Variants in CNOT4 observed in about 807,000 individuals in gnomAD.
CNOT4 encodes CCR4-NOT transcription complex subunit 4, also known as CCR4-associated factor 4.
CNOT4 carries 8 observed loss-of-function variants against 73.8 expected under a neutral mutation model. The ratio of observed to expected loss-of-function variants is 0.11; its 90% CI spans 0.06 to 0.20. The LOEUF (loss-of-function observed/expected upper bound fraction) is 0.20, where lower values mean the gene tolerates loss of function less well. Ranked by LOEUF, CNOT4 falls within the 10% of genes least tolerant of loss-of-function variation. The pLI is 1.00. For synonymous variants in CNOT4, 293 were observed against 321.1 expected, an observed-to-expected ratio of 0.91 and a Z score of 0.94; for missense variants, 564 against 883.4, an observed-to-expected ratio of 0.64 and a Z score of 4.58.
chr7:135,491,211 T>C (rs953494880), intron 1 of CNOT4, among the ~76,000 whole-genome samples: 2 of 152,234 alleles, frequency 1.3e-5, no homozygotes, highest in East Asian at 1.9e-4. Context: ...AATAAGGAGT[T>C]ACGGAGAGAG....
In CNOT4 at chr7:135,363,092, G is replaced by A. The variant is rs372251198; in HGVS notation, c.1935C>T (p.Asp645=). Residue 645 remains aspartate, a synonymous_variant, in exon 12 of 12, where the codon GAC becomes GAT. Coordinates refer to ENST00000541284, the MANE Select transcript of CNOT4 (RefSeq NM_001190850.2). The surrounding 1 kb of genome is among the most constrained non-coding windows in gnomAD (Gnocchi z 4.3). ...LKSLQALTEM[D]GPSAAPSQTH... ...TCTGTGATGGAGCAGCGCTGGGGCC[G>A]TCCATCTCTGTGAGGGCCTGAAGGG... 66 of 1,613,798 alleles carry A rather than the reference G, an allele frequency of 4.1e-5. No individual in the cohort carries two copies. Among genetic ancestry groups the A allele is most frequent in the Middle Eastern group, 3.3e-4 (2 of 6,084 alleles).
intron 1 of CNOT4, among the ~76,000 whole-genome samples, chr7:135,483,479 A>C (rs548905628): frequency 1.3e-5 from 2 of 152,280 alleles, no homozygotes; most frequent in African/African-American, 4.8e-5. Flanking sequence ...AAGAAAAATC[A>C]CATGATCATA....
At chr7:135,470,323 A>T (rs1801498326) in intron 1 of CNOT4, among the ~76,000 whole-genome samples, 1 of 151,120 alleles carries the variant, frequency 6.6e-6, no homozygotes, top group African/African-American at 2.4e-5. Context: ...GTAGAGATGA[A>T]GCGTCACTGT....
chr7:135,442,509 G>T (rs111821930), intron 1 of CNOT4, among the ~76,000 whole-genome samples: 3,036 of 152,234 alleles, frequency 0.02, 109 homozygotes, highest in African/African-American at 0.069. Flanking sequence ...TGAAAAAGGA[G>T]AATTGCTTGA....
chr7:135,378,396 T>C (rs916653663), intron 10 of CNOT4, among the ~76,000 whole-genome samples: 1 of 151,538 alleles, frequency 6.6e-6, no homozygotes, highest in African/African-American at 2.4e-5. Flanking sequence ...CCCAGCTATT[T>C]GGGAGGCTGA....
rs143695695 is a variant in CNOT4 at position 135,441,494 on chromosome 7, TC to T, written c.-92-3072del. Among the ~76,000 whole-genome samples, 1,320 of 151,558 alleles carry T rather than the reference TC, an allele frequency of 8.7e-3. 24 individuals are homozygous for T. Among genetic ancestry groups the T allele is most frequent in the African/African-American group, 0.03 (1,261 of 41,364 alleles). On this transcript the variant is annotated intron_variant, in intron 1 of 11. Coordinates refer to ENST00000541284, the MANE Select transcript of CNOT4 (RefSeq NM_001190850.2). ...GAGTTTAAAGCTGACTTCTAATAGG[TC>T]CCCCAACTTTAAACATCCCAAAACT...
At chr7:135,375,709 G>A (rs1795479930) in intron 10 of CNOT4, among the ~76,000 whole-genome samples, 1 of 152,156 alleles carries the variant, frequency 6.6e-6, no homozygotes, top group Non-Finnish European at 1.5e-5. Context: ...AGGATCACGG[G>A]GTCAGGGGTT....
At chr7:135,452,102 G>T (rs1257233260) in intron 1 of CNOT4, among the ~76,000 whole-genome samples, 2 of 151,896 alleles carry the variant, frequency 1.3e-5, no homozygotes, top group African/African-American at 2.4e-5. Flanking sequence ...AGCTGGGCAT[G>T]GAGGAGCACA....
intron 9 of CNOT4, 84 bp from the exon 10 acceptor site, chr7:135,394,499 A>G (rs1796575918): frequency 8.6e-7 from 1 of 1,161,800 alleles, no homozygotes; most frequent in South Asian, 1.5e-5. Context: ...TGAAAGTTAA[A>G]CATGTCATTT....
At chr7:135,464,855 T>C (rs535739665) in intron 1 of CNOT4, among the ~76,000 whole-genome samples, 1 of 152,212 alleles carries the variant, frequency 6.6e-6, no homozygotes, top group South Asian at 2.1e-4. Flanking sequence ...TTTTGATATT[T>C]ACTGTTAATA....
At position 135,362,668 on chromosome 7, in the gene CNOT4, C is replaced by T. The variant is rs753732174; in HGVS notation, c.*217G>A. 1.5e-6 allele frequency: 1 copy of T among 681,138 alleles called. No individual in the cohort carries two copies. The highest frequency in any genetic ancestry group is 1.8e-5 in the African/African-American group (1 of 56,190). The allele number at this position is 681,138 out of a possible 1,614,324, so 42.2% of individuals were successfully genotyped here. A position where few individuals can be genotyped will look rare whatever the true frequency, so the allele number is the denominator to read the frequency against. ...CATTTTTAGAAACATTCAACAGTGT[C>T]ACTCAAATGCTGGATCAACAAAAAT... On this transcript the variant is annotated 3_prime_UTR_variant, in exon 12 of 12. Coordinates refer to ENST00000541284, the MANE Select transcript of CNOT4 (RefSeq NM_001190850.2).
chr7:135,393,584 C>A (rs1459939546), intron 10 of CNOT4, among the ~76,000 whole-genome samples: 1 of 151,978 alleles, frequency 6.6e-6, no homozygotes, highest in Non-Finnish European at 1.5e-5. Flanking sequence ...TAATTTTCAC[C>A]ACGGTGTTGG....
intron 1 of CNOT4, among the ~76,000 whole-genome samples, chr7:135,478,745 A>T (rs1050389042): frequency 1.3e-5 from 2 of 152,096 alleles, no homozygotes; most frequent in Non-Finnish European, 2.9e-5. Context: ...TCTCATCAAA[A>T]ATCTTCAAAA....
chr7:135,448,282 C>T (rs535723359), intron 1 of CNOT4, among the ~76,000 whole-genome samples: 11 of 152,060 alleles, frequency 7.2e-5, no homozygotes, highest in Admixed American at 3.3e-4. Context: ...TGGTGGCTCA[C>T]GCCTGTAATC....
intron 7 of CNOT4, among the ~76,000 whole-genome samples, chr7:135,406,575 C>T (rs1797300102): frequency 6.6e-6 from 1 of 151,982 alleles, no homozygotes; most frequent in Non-Finnish European, 1.5e-5. Context: ...GTGGGATGAT[C>T]GTTTGAGCCT....
intron 1 of CNOT4, among the ~76,000 whole-genome samples, chr7:135,481,866 T>C (rs1281654466): frequency 6.6e-6 from 1 of 152,132 alleles, no homozygotes; most frequent in Non-Finnish European, 1.5e-5. Context: ...CACTCATATG[T>C]AGAAACTAAA....
chr7:135,481,742 T>C (rs185211915), intron 1 of CNOT4, among the ~76,000 whole-genome samples: 21 of 152,336 alleles, frequency 1.4e-4, no homozygotes, highest in African/African-American at 4.6e-4. Context: ...ATATACACAA[T>C]GGATTTGGCA....
chr7:135,476,521 A>G (rs1802003629), intron 1 of CNOT4, among the ~76,000 whole-genome samples: 1 of 152,232 alleles, frequency 6.6e-6, no homozygotes, highest in African/African-American at 2.4e-5. Context: ...AAATAAAAAG[A>G]TTAAAAGGAG....
chr7:135,479,494 C>T (rs953203916), intron 1 of CNOT4, among the ~76,000 whole-genome samples: 19 of 151,796 alleles, frequency 1.3e-4, no homozygotes, highest in African/African-American at 4.4e-4. Context: ...CAGGCATGAG[C>T]CACCGCGCCC....
Sources: gnomAD v4.1 joint callset for allele counts (sites outside exome capture counted in the v4.1 genomes callset) on GRCh38, gnomAD v4.1.1 for gene constraint, Gnocchi (gnomAD v3.1) non-coding constraint, MANE v1.5 for transcripts, NCBI Gene and HGNC (gene_info 2026-07-23, HGNC 2026-07-21) for gene names.